The following PIGZ variants were observed in gnomAD, a reference collection of about 807,000 sequenced individuals.
PIGZ encodes the protein phosphatidylinositol glycan anchor biosynthesis class Z (Gwada blood group), also known as GPI alpha-1,2-mannosyltransferase 4.
Under a neutral mutation model 16.4 loss-of-function variants are expected in PIGZ, and 16 were observed. The ratio of observed to expected loss-of-function variants is 0.97; its 90% CI spans 0.66 to 1.48. PIGZ has a LOEUF of 1.48. Ranked by LOEUF, PIGZ falls within the 40% of genes most tolerant of loss-of-function variation. The pLI is 0.00. For synonymous variants in PIGZ, 409 were observed against 338.4 expected (o/e 1.21, Z -2.29); for missense variants, 770 against 739.2 (o/e 1.04, Z -0.48).
At chr3:196,957,243 G>A (rs1019973379) in intron 1 of PIGZ, among the ~76,000 whole-genome samples, 1 of 151,886 alleles carries the variant, frequency 6.6e-6, no homozygotes, top group African/African-American at 2.4e-5. Flanking sequence ...GCCTGGTCAT[G>A]TAAATTCATG....
rs186436697 is a variant in PIGZ, at chr3:196,952,421, G to A, written c.1-390C>T. On this transcript the variant is annotated intron_variant, in intron 1 of 2. Transcript: ENST00000412723. ...ATAAGGGTATTTCAGGGAGAGATTA[G>A]CCTTTGTTGTGGTTTTTTTGTTTGT... Among the ~76,000 whole-genome samples the A allele has an allele frequency of 2.6e-5, 4 of 152,220 alleles. No homozygotes were observed. The East Asian group carries it at 7.7e-4, about 29-fold the overall frequency.
Position 196,948,340 on chromosome 3 carries a change from G to T in PIGZ, c.557C>A (p.Thr186Lys), listed in dbSNP as rs553140398. The change falls in exon 3 of 3, where the codon ACG (threonine) becomes AAG (lysine). Residue 186 changes from threonine (T) to lysine (K), a missense_variant. Coordinates refer to ENST00000412723, the MANE Select transcript of PIGZ (RefSeq NM_025163.4). ...FSNTIEGLLF[T>K]WLLVLVSSHV... ...GGAGGATACCAGCACCAGCAGCCACGTGAAGAGGAGTCCCTCAATGGTGTT... is the reference window on the plus strand; with the variant it reads ...GGAGGATACCAGCACCAGCAGCCACTTGAAGAGGAGTCCCTCAATGGTGTT... 1.2e-6 allele frequency: 2 copies of T among 1,614,222 alleles called. No individual in the cohort carries two copies. The highest frequency in any genetic ancestry group is 1.7e-6 in the Non-Finnish European group (2 of 1,180,036).
At chr3:196,964,044 T>TTATTTA (rs10650839) in intron 1 of PIGZ, among the ~76,000 whole-genome samples, 6,857 of 151,308 alleles carry the variant, frequency 0.045, 209 homozygotes, top group South Asian at 0.14. Flanking sequence ...TTATTTTTAT[T>TTATTTA]TTTATTTATT....
chr3:196,953,958 A>G (rs1355145659), intron 1 of PIGZ, among the ~76,000 whole-genome samples: 1 of 150,928 alleles, frequency 6.6e-6, no homozygotes, highest in Non-Finnish European at 1.5e-5. Context: ...ACACTACTGC[A>G]CTTCTGCCTA....
At chr3:196,959,837 G>A (rs566823688) in intron 1 of PIGZ, among the ~76,000 whole-genome samples, 29 of 152,270 alleles carry the variant, frequency 1.9e-4, no homozygotes, top group African/African-American at 5.1e-4. Flanking sequence ...CTCCTTCTAG[G>A]GTGTCTTACT....
At chr3:196,950,880 G>A (rs1224200389) in intron 2 of PIGZ, among the ~76,000 whole-genome samples, 1 of 152,092 alleles carries the variant, frequency 6.6e-6, no homozygotes, top group African/African-American at 2.4e-5. Context: ...AAGTAGCTGG[G>A]ATTACAGGCG....
chr3:196,955,509 A>C (rs1717442372), intron 1 of PIGZ, among the ~76,000 whole-genome samples: 1 of 150,064 alleles, frequency 6.7e-6, no homozygotes, highest in Admixed American at 6.6e-5. Context: ...TGCTATACAC[A>C]CTTTTTGGAA....
intron 1 of PIGZ, among the ~76,000 whole-genome samples, chr3:196,957,143 T>C (rs1237355539): frequency 6.6e-6 from 1 of 151,768 alleles, no homozygotes; most frequent in Non-Finnish European, 1.5e-5. Context: ...CCTAGGACCA[T>C]TTCTAATCAA....
chr3:196,966,643 G>C (rs1042908069), intron 1 of PIGZ, among the ~76,000 whole-genome samples: 1 of 152,164 alleles, frequency 6.6e-6, no homozygotes, highest in African/African-American at 2.4e-5. Flanking sequence ...TAACAAATGC[G>C]GGAGCTCCAG....
In PIGZ at chr3:196,962,561, C is replaced by T. The variant is rs541458617; in HGVS notation, c.-1+6126G>A. ...TCATGATCCCCTGGGAATGGAATGT[C>T]TTGGTGTAAAACCTGATCGTACATT... On this transcript the variant is annotated intron_variant, in intron 1 of 2. Transcript: ENST00000412723. Among the ~76,000 whole-genome samples the T allele has an allele frequency of 6.6e-5, 10 of 151,788 alleles. No homozygotes were observed. The East Asian group carries it at 1.9e-3, about 29-fold the overall frequency.
At position 196,968,700 on chromosome 3, in the gene PIGZ, G is replaced by C. The variant is rs533797310; in HGVS notation, c.-14C>G. On this transcript the variant is annotated 5_prime_UTR_variant, in exon 1 of 3. Transcript: ENST00000412723. The stretch of plus-strand genomic sequence containing the variant: ...GCACCGACTCACCCGCGCGGCCTCC[G>C]GGCTGCGCCTTCAGCGCTGGCGGCG... 12 of 152,268 alleles carry C rather than the reference G, an allele frequency of 7.9e-5. No homozygotes were observed. The highest frequency in any genetic ancestry group is 7.2e-4 in the Admixed American group (11 of 15,304). 9.4% of individuals were successfully genotyped at this position (152,268 alleles called of 1,614,324 possible). A position where few individuals can be genotyped will look rare whatever the true frequency, so the allele number is the denominator to read the frequency against.
In PIGZ at chr3:196,947,994, C is replaced by T; in HGVS notation, c.903G>A (p.Leu301=). The part of the protein sequence containing the change: ...LTPVNFLHYN[L]NPQNLARHGT... The stretch of plus-strand genomic sequence containing the variant: ...CATGTCTCGCCAGGTTTTGGGGATT[C>T]AGGTTGTAGTGCAAGAAGTTGACAG... The change falls in exon 3 of 3, where the codon CTG becomes CTA. Residue 301 remains leucine, a synonymous_variant. Coordinates refer to ENST00000412723, the MANE Select transcript of PIGZ (RefSeq NM_025163.4). 6.2e-7 allele frequency: 1 copy of T among 1,603,412 alleles called. No homozygotes were observed. Among genetic ancestry groups the T allele is most frequent in the Non-Finnish European group, 8.5e-7 (1 of 1,172,982 alleles).
chr3:196,948,596 C>A lies in PIGZ; in HGVS notation c.301G>T (p.Gly101Cys). The A allele has an allele frequency of 6.4e-7, 1 of 1,569,590 alleles. No homozygotes were observed. The highest frequency in any genetic ancestry group is 1.4e-5 in the African/African-American group (1 of 73,972). Residue 101 changes from glycine to cysteine, a missense_variant, in exon 3 of 3, where the codon GGT becomes TGT. Gly to Cys is a radical substitution (Grantham distance 159, BLOSUM62 -3). Transcript: ENST00000412723. ...AGCCTGAGCAGCCAGAAGGTGGAAC[C>A]AGAGATCAGCAGGGGGAAGAGCACC... ...RSVLFPLLIS[G>C]STFWLLRLWE...
At chr3:196,960,720 G>T (rs965261977) in intron 1 of PIGZ, among the ~76,000 whole-genome samples, 2 of 103,420 alleles carry the variant, frequency 1.9e-5, no homozygotes, top group Non-Finnish European at 4.0e-5. Flanking sequence ...AGGAAGGAAA[G>T]AAAGAAAAGA....
At chr3:196,949,086 G>A (rs1717157736) in intron 2 of PIGZ, among the ~76,000 whole-genome samples, 1 of 114,304 alleles carries the variant, frequency 8.7e-6, no homozygotes, top group Non-Finnish European at 1.8e-5. Context: ...GTTCATCTCT[G>A]TCACCCAGGC....
Position 196,965,526 on chromosome 3 carries a change from C to A in PIGZ, c.-1+3161G>T, listed in dbSNP as rs949969293. ...TTGCCCAATTTAGTCCAGAATCCCA[C>A]GGGCTATCTCCCTCCTCCTTTGTCC... On this transcript the variant is annotated intron_variant, in intron 1 of 2. Coordinates refer to ENST00000412723, the MANE Select transcript of PIGZ (RefSeq NM_025163.4). The surrounding 1 kb of genome is among the most constrained non-coding windows in gnomAD (Gnocchi z 4.2). Among the ~76,000 whole-genome samples, 1 of 152,170 alleles carries A rather than the reference C, an allele frequency of 6.6e-6. No individual in the cohort carries two copies. Among genetic ancestry groups the A allele is most frequent in the Non-Finnish European group, 1.5e-5 (1 of 68,032 alleles).
intron 1 of PIGZ, among the ~76,000 whole-genome samples, chr3:196,959,593 C>T (rs890887521): frequency 1.3e-5 from 2 of 152,204 alleles, no homozygotes; most frequent in Non-Finnish European, 2.9e-5. Context: ...ACCAAAACTC[C>T]CTTGAAACTG....
chr3:196,968,279 C>G (rs1718015597), intron 1 of PIGZ, among the ~76,000 whole-genome samples: 1 of 152,212 alleles, frequency 6.6e-6, no homozygotes, highest in Non-Finnish European at 1.5e-5. Context: ...CCTCCTCTTG[C>G]CCTGTTGCTG....
rs866754589 is a variant in PIGZ at position 196,947,990 on chromosome 3, G to T, written c.907C>A (p.Pro303Thr). 3 of 1,604,820 alleles carry T rather than the reference G, an allele frequency of 1.9e-6. No homozygotes were observed. The highest frequency in any genetic ancestry group is 2.6e-6 in the Non-Finnish European group (3 of 1,173,916). ...PVNFLHYNLN[P>T]QNLARHGTHA... ...GTGCCATGTCTCGCCAGGTTTTGGG[G>T]ATTCAGGTTGTAGTGCAAGAAGTTG... Residue 303 changes from proline to threonine, a missense_variant, in exon 3 of 3, where the codon CCC (proline) becomes ACC (threonine). By Grantham distance (38) the Pro-to-Thr change is conservative (BLOSUM62 -1). Transcript: ENST00000412723.
Sources: gnomAD v4.1 joint callset for allele counts (sites outside exome capture counted in the v4.1 genomes callset) on GRCh38, gnomAD v4.1.1 for gene constraint, Gnocchi (gnomAD v3.1) non-coding constraint, MANE v1.5 for transcripts, NCBI Gene and HGNC (gene_info 2026-07-23, HGNC 2026-07-21) for gene names.